The following MYL1 variants were observed in gnomAD, a reference collection of about 807,000 sequenced individuals.
MYL1 encodes the protein myosin light chain 1.
Under a neutral mutation model 21.8 loss-of-function variants are expected in MYL1, and 16 were observed. The observed-to-expected ratio is 0.74, with a 90% CI of 0.50 to 1.12. The LOEUF (loss-of-function observed/expected upper bound fraction) is 1.12, where lower values mean the gene tolerates loss of function less well. MYL1 is among the 50% of genes most tolerant of loss of function. MYL1 has a pLI of 0.00. For missense variants in MYL1, 246 were observed against 241.0 expected (o/e 1.02, Z -0.14); for synonymous variants, 99 against 85.2 (o/e 1.16, Z -0.89).
chr2:210,305,214 A>C (rs1317192276), intron 1 of MYL1, among the ~76,000 whole-genome samples: 5 of 152,308 alleles, frequency 3.3e-5, no homozygotes, highest in African/African-American at 1.2e-4. Context: ...TTTGGCTCTA[A>C]GTTTATAAGT....
rs1316760249 is a variant in MYL1, at chr2:210,302,705, A to G, written c.133-190T>C. 3.9e-6 allele frequency: 6 copies of G among 1,543,690 alleles called. No homozygotes were observed. The Admixed American group carries it at 5.9e-5, about 15-fold the overall frequency. On this transcript the variant is annotated intron_variant, in intron 1 of 6. Transcript: ENST00000352451. Reference sequence around the variant, plus strand: ...AGTGTAACATGCCTTGAAGATAAGTAATATTGCAGAAACTAGGCAGTGCTG... The same window carrying G: ...AGTGTAACATGCCTTGAAGATAAGTGATATTGCAGAAACTAGGCAGTGCTG...
chr2:210,300,007 C>T (rs928012098), intron 2 of MYL1, among the ~76,000 whole-genome samples: 1 of 152,028 alleles, frequency 6.6e-6, no homozygotes, highest in Non-Finnish European at 1.5e-5. Context: ...TTAAAACTTC[C>T]CCCTCGAATT....
intron 1 of MYL1, among the ~76,000 whole-genome samples, chr2:210,303,822 C>A (rs1331435788): frequency 7.9e-5 from 12 of 152,112 alleles, no homozygotes. Context: ...TGGAAGCCTG[C>A]CGGTACTTTT....
intron 5 of MYL1, among the ~76,000 whole-genome samples, chr2:210,292,022 A>C (rs1343023359): frequency 6.6e-6 from 1 of 152,156 alleles, no homozygotes; most frequent in Non-Finnish European, 1.5e-5. Context: ...CAAACATTTA[A>C]TCTTTGGCAA....
intron 1 of MYL1, among the ~76,000 whole-genome samples, chr2:210,309,879 T>C (rs910089495): frequency 6.6e-6 from 1 of 152,082 alleles, no homozygotes; most frequent in Non-Finnish European, 1.5e-5. Flanking sequence ...TCACTATTAA[T>C]TGGTGAACAT....
chr2:210,303,914 A>G (rs1472955), intron 1 of MYL1, among the ~76,000 whole-genome samples: 60,869 of 151,856 alleles, frequency 0.4, 12,290 homozygotes, highest in Admixed American at 0.5. Flanking sequence ...AAGAGCTTAG[A>G]ATTTCTTTAA....
At chr2:210,314,141 A>G (rs1199359812) in intron 1 of MYL1, among the ~76,000 whole-genome samples, 1 of 152,194 alleles carries the variant, frequency 6.6e-6, no homozygotes, top group East Asian at 1.9e-4. Flanking sequence ...GTGTTAACAC[A>G]ATAATTAATC....
intron 3 of MYL1, 102 bp downstream of exon 3, chr2:210,298,318 A>T (rs973692461): frequency 1.1e-4 from 140 of 1,317,414 alleles, no homozygotes; most frequent in Non-Finnish European, 1.4e-4. Context: ...ACACACACAC[A>T]TACTACACAC....
Position 210,302,782 on chromosome 2 carries a change from G to T in MYL1, c.133-267C>A, listed in dbSNP as rs754601142. 9 of 1,565,382 alleles carry T rather than the reference G, an allele frequency of 5.7e-6. No homozygotes were observed. The Admixed American group carries it at 1.1e-4, about 19-fold the overall frequency. ...AATTCACTTACCAGCAATCTGGTCA[G>T]CACTGAAGGACTGCAGTGGCGAAGA... On this transcript the variant is annotated intron_variant, in intron 1 of 6. Coordinates refer to ENST00000352451, the MANE Select transcript of MYL1 (RefSeq NM_079420.3).
chr2:210,309,606 A>G (rs1690388652), intron 1 of MYL1, among the ~76,000 whole-genome samples: 1 of 152,048 alleles, frequency 6.6e-6, no homozygotes, highest in Non-Finnish European at 1.5e-5. Flanking sequence ...TGATATAGAA[A>G]CAAATCACAG....
In MYL1 at chr2:210,294,288, G is replaced by T. The variant is rs550520343; in HGVS notation, c.435C>A (p.Gly145=). The T allele has an allele frequency of 1.0e-4, 167 of 1,613,808 alleles. 1 individual carries two copies. The highest frequency in any genetic ancestry group is 1.4e-4 in the Non-Finnish European group (161 of 1,179,936). The stretch of plus-strand genomic sequence containing the variant: ...GGCGGAGTTCAGCACCCATGACTGT[G>T]CCATTGCCTTCCTTGTCAAAGACAC... ...GLRVFDKEGN[G]TVMGAELRHV... The change falls in exon 4 of 7, where the codon GGC becomes GGA. Residue 145 remains glycine (G), a synonymous_variant. Transcript: ENST00000352451.
At chr2:210,311,221 G>A (rs1036077858) in intron 1 of MYL1, among the ~76,000 whole-genome samples, 1 of 151,876 alleles carries the variant, frequency 6.6e-6, no homozygotes, top group African/African-American at 2.4e-5. Flanking sequence ...TAGCTTTGTT[G>A]GAAATGAGAA....
intron 1 of MYL1, among the ~76,000 whole-genome samples, chr2:210,312,037 T>A (rs1690426064): frequency 6.6e-6 from 1 of 151,992 alleles, no homozygotes; most frequent in Admixed American, 6.6e-5. Flanking sequence ...GAAATCAGAT[T>A]GGAAAGCACA....
intron 1 of MYL1, among the ~76,000 whole-genome samples, chr2:210,312,939 A>G (rs1447817381): frequency 2.0e-5 from 3 of 151,934 alleles, no homozygotes; most frequent in African/African-American, 7.2e-5. Context: ...AAGCTTGTAC[A>G]ACTCAATTTA....
intron 1 of MYL1, among the ~76,000 whole-genome samples, chr2:210,307,325 C>T (rs748341097): frequency 5.3e-5 from 8 of 152,092 alleles, no homozygotes; most frequent in Non-Finnish European, 8.8e-5. Context: ...TATAGAATAC[C>T]TTGCCTATAT....
chr2:210,314,822 C>G (rs1690465424), intron 1 of MYL1, 89 bp downstream of exon 1: 2 of 1,410,560 alleles, frequency 1.4e-6, no homozygotes, highest in East Asian at 2.3e-5. Flanking sequence ...CTATTCCTCT[C>G]AATGAAAAAT....
At chr2:210,305,878 T>C (rs182847874) in intron 1 of MYL1, among the ~76,000 whole-genome samples, 93 of 151,288 alleles carry the variant, frequency 6.1e-4, no homozygotes, top group Non-Finnish European at 7.8e-4. Context: ...CTGACCAATA[T>C]GGAGAAACCC....
chr2:210,303,483 A>G (rs1690294655), intron 1 of MYL1: 5 of 1,529,826 alleles, frequency 3.3e-6, no homozygotes, highest in South Asian at 2.3e-5. Context: ...TCTCAATAAG[A>G]TCATATCCTC....
At chr2:210,297,136 A>G (rs1260335411) in intron 3 of MYL1, among the ~76,000 whole-genome samples, 2 of 151,600 alleles carry the variant, frequency 1.3e-5, no homozygotes, top group Non-Finnish European at 2.9e-5. Context: ...AGTAAGCATG[A>G]GAATACAGAC....
Sources: allele counts gnomAD v4.1 joint callset (sites outside exome capture counted in the v4.1 genomes callset), GRCh38; gene constraint gnomAD v4.1.1; transcripts MANE v1.5; gene names NCBI Gene and HGNC (gene_info 2026-07-23, HGNC 2026-07-21).